The following ARHGAP10 variants were observed in gnomAD, a reference collection of about 807,000 sequenced individuals.
ARHGAP10 encodes the protein Rho GTPase activating protein 10.
In ARHGAP10, 87 loss-of-function variants were observed where a neutral mutation model predicts 108.6. The ratio of observed to expected loss-of-function variants is 0.80; its 90% CI spans 0.67 to 0.96. The LOEUF (loss-of-function observed/expected upper bound fraction) is 0.96. ARHGAP10 is among the 40% of genes least tolerant of loss of function. The pLI is 0.00. For synonymous variants in ARHGAP10, 347 were observed against 341.1 expected, an observed-to-expected ratio of 1.02 and a Z score of -0.19; for missense variants, 939 against 954.5, an observed-to-expected ratio of 0.98 and a Z score of 0.21.
At chr4:147,904,848 A>G (rs1421336942) in intron 10 of ARHGAP10, among the ~76,000 whole-genome samples, 6 of 152,144 alleles carry the variant, frequency 3.9e-5, no homozygotes, top group African/African-American at 7.2e-5. Flanking sequence ...AGTCCCACCA[A>G]CAGTGTAAAA....
At chr4:148,027,123 C>CT (rs1403470779) in intron 19 of ARHGAP10, among the ~76,000 whole-genome samples, 1 of 152,068 alleles carries the variant, frequency 6.6e-6, no homozygotes, top group African/African-American at 2.4e-5. Flanking sequence ...TCTGGGGAGT[C>CT]GGGGAGAAGA....
intron 19 of ARHGAP10, among the ~76,000 whole-genome samples, chr4:148,045,370 T>A (rs2149679221): frequency 6.6e-6 from 1 of 152,210 alleles, no homozygotes; most frequent in Admixed American, 6.5e-5. Flanking sequence ...ACAATCAGTT[T>A]TCAAGATTCC....
intron 3 of ARHGAP10, among the ~76,000 whole-genome samples, chr4:147,845,545 G>C (rs1397194425): frequency 1.3e-5 from 2 of 152,162 alleles, no homozygotes; most frequent in Non-Finnish European, 2.9e-5. Flanking sequence ...GTTATGCTTG[G>C]TGGGCCCAGA....
intron 18 of ARHGAP10, among the ~76,000 whole-genome samples, chr4:147,977,532 G>A (rs1208718607): frequency 6.6e-6 from 1 of 152,158 alleles, no homozygotes; most frequent in Non-Finnish European, 1.5e-5. Context: ...CCAGGCACTA[G>A]GCTGGGCTCC....
intron 18 of ARHGAP10, among the ~76,000 whole-genome samples, chr4:147,972,605 C>T (rs1429387601): frequency 6.6e-6 from 1 of 152,046 alleles, no homozygotes; most frequent in Non-Finnish European, 1.5e-5. Flanking sequence ...CAGAAGAAAC[C>T]CAGGCAGGAT....
chr4:147,992,994 T>G (rs958153902), intron 18 of ARHGAP10, among the ~76,000 whole-genome samples: 1 of 152,248 alleles, frequency 6.6e-6, no homozygotes, highest in Non-Finnish European at 1.5e-5. Flanking sequence ...TTATTAGTCA[T>G]TAGTCATTAC....
intron 14 of ARHGAP10, among the ~76,000 whole-genome samples, chr4:147,943,054 GT>G (rs1446535468): frequency 1.3e-5 from 2 of 152,228 alleles, no homozygotes; most frequent in African/African-American, 4.8e-5. Flanking sequence ...GTGAGTCATG[GT>G]TTTTTAGTAA....
chr4:148,016,345 C>T (rs531288210), intron 18 of ARHGAP10, among the ~76,000 whole-genome samples: 25 of 151,912 alleles, frequency 1.6e-4, no homozygotes, highest in South Asian at 4.2e-4. Context: ...TCTACAAAAA[C>T]GTTAAAAATT....
At position 148,023,287 on chromosome 4, in the gene ARHGAP10, A is replaced by G. The variant is rs142468491; in HGVS notation, c.1741A>G (p.Thr581Ala). 79 of 1,614,110 alleles carry G rather than the reference A, an allele frequency of 4.9e-5. No homozygotes were observed. The highest frequency in any genetic ancestry group is 6.7e-5 in the Non-Finnish European group (79 of 1,179,996). ...EKIFRTPPDT[T>A]FPEPTCLSAS... is the part of the protein sequence containing the mutation. The stretch of plus-strand genomic sequence containing the variant: ...GATTTTTCGGACGCCGCCCGATACT[A>G]CATTCCCTGAGCCCACCTGCCTGTC... The change falls in exon 19 of 23, where the codon ACA (threonine) becomes GCA (alanine). Residue 581 changes from threonine (T) to alanine (A), a missense_variant. By Grantham distance (58) the Thr-to-Ala change is moderately conservative (BLOSUM62 0). Transcript: ENST00000336498.
chr4:147,772,194 G>A (rs1415985744), intron 1 of ARHGAP10, among the ~76,000 whole-genome samples: 1 of 152,178 alleles, frequency 6.6e-6, no homozygotes, highest in African/African-American at 2.4e-5. Context: ...TTTAAACTGC[G>A]CTAGGCCCTT....
At chr4:148,061,006 T>G (rs1729595183) in intron 20 of ARHGAP10, among the ~76,000 whole-genome samples, 1 of 152,068 alleles carries the variant, frequency 6.6e-6, no homozygotes, top group Non-Finnish European at 1.5e-5. Context: ...TATCTGTCAT[T>G]ACAGTGGTTC....
chr4:148,054,158 CTAAAT>C (rs997908909), intron 20 of ARHGAP10, among the ~76,000 whole-genome samples: 2 of 152,182 alleles, frequency 1.3e-5, no homozygotes, highest in African/African-American at 4.8e-5. Flanking sequence ...GTCTCAATAT[CTAAAT>C]AAAGTAAGGA....
intron 12 of ARHGAP10, among the ~76,000 whole-genome samples, chr4:147,912,440 C>T (rs1438384993): frequency 6.6e-6 from 1 of 151,048 alleles, no homozygotes; most frequent in African/African-American, 2.4e-5. Context: ...ACCTGGGAGG[C>T]TGAGGTGGAA....
intron 1 of ARHGAP10, among the ~76,000 whole-genome samples, chr4:147,745,702 A>G (rs932880168): frequency 3.3e-5 from 5 of 151,758 alleles, no homozygotes; most frequent in Non-Finnish European, 5.9e-5. Flanking sequence ...CGTGTTAGCC[A>G]GGATGGTCTC....
In ARHGAP10 at chr4:147,732,381, C is replaced by T; in HGVS notation, c.80C>T (p.Ala27Val). Residue 27 changes from alanine (A) to valine (V), a missense_variant, in exon 1 of 23, where the codon GCG becomes GTG. By Grantham distance (64) the Ala-to-Val change is moderately conservative (BLOSUM62 0). Coordinates refer to ENST00000336498, the MANE Select transcript of ARHGAP10 (RefSeq NM_024605.4). ...WFRERIRAHE[A>V]ELERTNKFIK... ...CGGGAGAGGATCCGCGCTCACGAAGCGGAACTCGAGAGGACCAACAAGTTC... is the reference window on the plus strand; with the variant it reads ...CGGGAGAGGATCCGCGCTCACGAAGTGGAACTCGAGAGGACCAACAAGTTC... 3 of 1,613,448 alleles carry T rather than the reference C, an allele frequency of 1.9e-6. No homozygotes were observed. Among genetic ancestry groups the T allele is most frequent in the Non-Finnish European group, 8.5e-7 (1 of 1,179,650 alleles).
At chr4:147,997,994 G>T (rs1740545188) in intron 18 of ARHGAP10, among the ~76,000 whole-genome samples, 1 of 152,092 alleles carries the variant, frequency 6.6e-6, no homozygotes. Context: ...TATCAAAACT[G>T]AAATGGCAGG....
chr4:147,944,130 TGAGA>T (rs1018440367), intron 14 of ARHGAP10, among the ~76,000 whole-genome samples: 26 of 152,196 alleles, frequency 1.7e-4, no homozygotes, highest in African/African-American at 6.0e-4. Flanking sequence ...ATTGATTTAA[TGAGA>T]GAGAGAATAT....
Position 148,072,044 on chromosome 4 carries a change from G to A in ARHGAP10, c.2324G>A (p.Arg775Lys), listed in dbSNP as rs1439185322. Residue 775 changes from arginine (R) to lysine (K), a missense_variant, in exon 23 of 23, where the codon AGG becomes AAG. Transcript: ENST00000336498. ...CTAGAAGGGACTCTGAACGGCAAGA[G>A]GGGGCTGATTCCACAGAACTACGTC... ...GWLEGTLNGK[R>K]GLIPQNYVKL... 6 of 1,613,516 alleles carry A rather than the reference G, an allele frequency of 3.7e-6. No individual in the cohort carries two copies. Among genetic ancestry groups the A allele is most frequent in the African/African-American group, 2.7e-5 (2 of 74,908 alleles).
chr4:147,894,588 C>A (rs1344995946), intron 10 of ARHGAP10, among the ~76,000 whole-genome samples: 1 of 151,822 alleles, frequency 6.6e-6, no homozygotes, highest in Non-Finnish European at 1.5e-5. Context: ...TTATTAAGGG[C>A]TTCTTGCACC....
Sources: allele counts gnomAD v4.1 joint callset (sites outside exome capture counted in the v4.1 genomes callset), GRCh38; gene constraint gnomAD v4.1.1; transcripts MANE v1.5; gene names NCBI Gene and HGNC (gene_info 2026-07-23, HGNC 2026-07-21).